The following CDC20B variants were observed in gnomAD, a reference collection of about 807,000 sequenced individuals.
The protein encoded by CDC20B is cell division cycle 20B.
In CDC20B, 58 loss-of-function variants were observed where a neutral mutation model predicts 64.1. That is an observed-to-expected ratio of 0.90 (90% CI 0.73 to 1.13). The LOEUF is 1.13. CDC20B is among the 50% of genes most tolerant of loss of function. The probability of loss-of-function intolerance (pLI) is 0.00; values close to 1 mark genes in which losing one functional copy is unlikely to be tolerated. For missense variants in CDC20B, 597 were observed against 633.0 expected (o/e 0.94, Z 0.61); for synonymous variants, 243 against 230.6 (o/e 1.05, Z -0.49).
At chr5:55,139,651 T>G (rs779946420) in intron 5 of CDC20B, among the ~76,000 whole-genome samples, 1 of 152,208 alleles carries the variant, frequency 6.6e-6, no homozygotes, top group Non-Finnish European at 1.5e-5. Flanking sequence ...TGTGTAGTAA[T>G]ATGATGTAAA....
chr5:55,135,052 T>C (rs1005492794), intron 5 of CDC20B, among the ~76,000 whole-genome samples: 5 of 152,194 alleles, frequency 3.3e-5, no homozygotes, highest in South Asian at 2.1e-4. Flanking sequence ...TTGGTGACCA[T>C]GATGTGTCAG....
chr5:55,121,728 A>C (rs1357333578), intron 9 of CDC20B, among the ~76,000 whole-genome samples: 1 of 152,216 alleles, frequency 6.6e-6, no homozygotes, highest in Non-Finnish European at 1.5e-5. Context: ...GGTTACATGA[A>C]GTTAAAAATG....
chr5:55,127,033 C>T (rs1742909137), intron 8 of CDC20B, among the ~76,000 whole-genome samples: 1 of 152,126 alleles, frequency 6.6e-6, no homozygotes, highest in Non-Finnish European at 1.5e-5. Flanking sequence ...CAATTTAGTG[C>T]ATCCCATGCA....
chr5:55,128,617 T>A lies in CDC20B; in HGVS notation c.698A>T (p.Tyr233Phe). ...IHITGLRNDYYLNILDWSFQN... is the reference protein window; with the variant it reads ...IHITGLRNDYFLNILDWSFQN... ...AAAACTCCAATCTAGGATATTCAGA[T>A]CTATAAGAAAAGCACTTCAAATTAG... The change falls in exon 7 of 12, where the codon TAT (tyrosine) becomes TTT (phenylalanine). Residue 233 changes from tyrosine (Y) to phenylalanine (F), a missense_variant and splice_region_variant. Around this residue, in one of 3 missense-constraint regions of CDC20B, gnomAD observed 353 missense variants for 397.0 expected, o/e 0.89. Coordinates refer to ENST00000381375, the MANE Select transcript of CDC20B (RefSeq NM_001170402.1). The A allele has an allele frequency of 1.3e-6, 2 of 1,544,482 alleles. No individual in the cohort carries two copies. The highest frequency in any genetic ancestry group is 1.7e-6 in the Non-Finnish European group (2 of 1,156,276).
chr5:55,155,300 G>A (rs752420199), intron 2 of CDC20B, among the ~76,000 whole-genome samples: 31 of 152,204 alleles, frequency 2.0e-4, no homozygotes, highest in Admixed American at 1.2e-3. Context: ...TGAGAAAATA[G>A]AAACAAATAT....
intron 2 of CDC20B, chr5:55,161,234 C>A: frequency 1.2e-6 from 2 of 1,613,702 alleles, no homozygotes; most frequent in Non-Finnish European, 1.7e-6. Context: ...TGAAGGAGAA[C>A]CTGCATTTAG....
chr5:55,137,660 G>A, intron 5 of CDC20B: 1 of 456,728 alleles, frequency 2.2e-6, no homozygotes, highest in Middle Eastern at 3.3e-4. Flanking sequence ...AGAGACATAG[G>A]TAAGTCAAGT....
In CDC20B at chr5:55,173,151, G is replaced by A. The variant is rs1019060812; in HGVS notation, c.-151C>T. On this transcript the variant is annotated 5_prime_UTR_variant, in exon 1 of 12. Coordinates refer to ENST00000381375, the MANE Select transcript of CDC20B (RefSeq NM_001170402.1). ...ATTCTATTTCACCACCTCCCTCCAG[G>A]TCCCCCACTCCTCCCACCGCCGCTG... 8.0e-6 allele frequency: 5 copies of A among 628,018 alleles called. No individual in the cohort carries two copies. The highest frequency in any genetic ancestry group is 1.4e-5 in the Non-Finnish European group (5 of 359,456). The allele number at this position is 628,018 out of a possible 1,614,324, so 38.9% of individuals were successfully genotyped here.
chr5:55,147,243 CATAAATATGTTAT>C (rs879383605), intron 2 of CDC20B, among the ~76,000 whole-genome samples: 12,449 of 113,670 alleles, frequency 0.11, 815 homozygotes, highest in East Asian at 0.21. Context: ...ATTATATAAA[CATAAATATGTTAT>C]GTTTTATATA....
intron 2 of CDC20B, among the ~76,000 whole-genome samples, chr5:55,167,582 G>A (rs754045599): frequency 1.3e-5 from 2 of 152,166 alleles, no homozygotes; most frequent in Admixed American, 6.5e-5. Context: ...AATTGGTGAT[G>A]GGCATGATGG....
intron 3 of CDC20B, 143 bp from the exon 4 acceptor site, chr5:55,143,786 C>A: frequency 1.4e-6 from 1 of 728,988 alleles, no homozygotes; most frequent in South Asian, 2.4e-5. Flanking sequence ...TTGCAGAGAG[C>A]AGGACAGAGT....
At chr5:55,167,523 A>G (rs1216042595) in intron 2 of CDC20B, among the ~76,000 whole-genome samples, 5 of 152,000 alleles carry the variant, frequency 3.3e-5, no homozygotes, top group Admixed American at 2.0e-4. Flanking sequence ...GTCAATTTCA[A>G]TCTACCACTG....
chr5:55,137,690 T>C (rs1743220629), intron 5 of CDC20B: 4 of 456,576 alleles, frequency 8.8e-6, no homozygotes, highest in South Asian at 6.2e-5. Flanking sequence ...GGAATGGCCA[T>C]GTAAGTTTAT....
rs144209209 is a variant in CDC20B, at chr5:55,113,734, C to A, written c.*484G>T. ...GAGAGCAATATGCATGCTTAACATA[C>A]TGCCTAGCATATAGTGAGATTTTAG... On this transcript the variant is annotated 3_prime_UTR_variant, in exon 12 of 12. Transcript: ENST00000381375. The A allele has an allele frequency of 3.6e-4, 56 of 154,292 alleles. 1 individual carries two copies. The East Asian group carries it at 0.01, about 28-fold the overall frequency. The allele number at this position is 154,292 out of a possible 1,614,324, so 9.6% of individuals were successfully genotyped here. A position where few individuals can be genotyped will look rare whatever the true frequency, so the allele number is the denominator to read the frequency against.
intron 9 of CDC20B, among the ~76,000 whole-genome samples, chr5:55,121,355 C>CT: frequency 6.6e-6 from 1 of 152,218 alleles, no homozygotes; most frequent in East Asian, 1.9e-4. Flanking sequence ...TTTTAATAGA[C>CT]TTTTCACAAT....
At chr5:55,160,784 A>G (rs915736050) in intron 2 of CDC20B, 58 of 525,690 alleles carry the variant, frequency 1.1e-4, no homozygotes, top group African/African-American at 9.6e-4. Context: ...TGAGTATCTA[A>G]TGCTTTTTTA....
At chr5:55,135,258 G>A (rs1005404129) in intron 5 of CDC20B, among the ~76,000 whole-genome samples, 1 of 152,002 alleles carries the variant, frequency 6.6e-6, no homozygotes, top group Non-Finnish European at 1.5e-5. Context: ...TACAGAGAGA[G>A]AAAGAGAGAG....
intron 2 of CDC20B, among the ~76,000 whole-genome samples, chr5:55,168,273 G>A (rs1022804037): frequency 1.3e-5 from 2 of 152,176 alleles, no homozygotes; most frequent in African/African-American, 4.8e-5. Context: ...AATAGTGACA[G>A]GTTCAGAGGG....
At chr5:55,156,148 A>G (rs571611011) in intron 2 of CDC20B, among the ~76,000 whole-genome samples, 1 of 152,198 alleles carries the variant, frequency 6.6e-6, no homozygotes, top group African/African-American at 2.4e-5. Flanking sequence ...GTGCTGAAGA[A>G]CTCCCATTTA....
Sources: allele counts gnomAD v4.1 joint callset (sites outside exome capture counted in the v4.1 genomes callset), GRCh38; gene constraint gnomAD v4.1.1; regional missense constraint gnomAD v4.1.1; transcripts MANE v1.5; gene names NCBI Gene and HGNC (gene_info 2026-07-23, HGNC 2026-07-21).